Variants in TBL1XR1 observed in about 807,000 individuals in gnomAD.
TBL1XR1 encodes TBL1X/Y related 1, also known as F-box-like/WD repeat-containing protein TBL1XR1.
Under a neutral mutation model 66.9 loss-of-function variants are expected in TBL1XR1, and 5 were observed. That is an observed-to-expected ratio of 0.07 (90% CI 0.04 to 0.16). The LOEUF is 0.16. TBL1XR1 is among the 10% of genes least tolerant of loss of function. The probability of loss-of-function intolerance (pLI) is 1.00; values close to 1 mark genes in which losing one functional copy is unlikely to be tolerated. For missense variants in TBL1XR1, 238 were observed against 623.2 expected (o/e 0.38, Z 6.58); for synonymous variants, 210 against 206.0 (o/e 1.02, Z -0.17).
At chr3:177,169,565 C>T (rs889639172) in intron 1 of TBL1XR1, among the ~76,000 whole-genome samples, 1 of 152,160 alleles carries the variant, frequency 6.6e-6, no homozygotes, top group African/African-American at 2.4e-5. Flanking sequence ...TCAGGCAATG[C>T]TACTACAAAA....
upstream of TBL1XR1, among the ~76,000 whole-genome samples, chr3:177,199,346 A>C (rs1244371567): frequency 1.3e-5 from 2 of 150,740 alleles, no homozygotes; most frequent in African/African-American, 4.9e-5. Flanking sequence ...AGAAGACTTT[A>C]TTTCAGAATT....
intron 1 of TBL1XR1, among the ~76,000 whole-genome samples, chr3:177,161,466 T>A (rs1051409553): frequency 6.6e-6 from 1 of 152,138 alleles, no homozygotes; most frequent in African/African-American, 2.4e-5. Flanking sequence ...AACTCAGCAC[T>A]AATAATGTCA....
At chr3:177,173,082 C>T (rs1467875837) in intron 1 of TBL1XR1, among the ~76,000 whole-genome samples, 2 of 152,036 alleles carry the variant, frequency 1.3e-5, no homozygotes, top group African/African-American at 4.8e-5. Flanking sequence ...AGCTACTCCG[C>T]AGTCTGAGGC....
rs1419098488 is a variant in TBL1XR1 at position 177,152,250 on chromosome 3, C to G, written c.-122+44871G>C. ...GTTGCTACATTCACTTTAGATTATG[C>G]TTTTTACTTTTCACTCCCAGATCTA... is the stretch of plus-strand genomic sequence containing the variant. On this transcript the variant is annotated intron_variant, in intron 1 of 15. Transcript: ENST00000457928. 3.9e-5 allele frequency among the ~76,000 whole-genome samples: 6 copies of G among 152,086 alleles called. No individual in the cohort carries two copies. The East Asian group carries it at 1.2e-3, about 29-fold the overall frequency.
At chr3:177,107,439 C>A (rs1725017950) in intron 1 of TBL1XR1, among the ~76,000 whole-genome samples, 1 of 152,138 alleles carries the variant, frequency 6.6e-6, no homozygotes, top group Non-Finnish European at 1.5e-5. Context: ...CATTTAACTA[C>A]CACATTCCAA....
At chr3:177,035,106 G>A (rs1576985393) in intron 12 of TBL1XR1, among the ~76,000 whole-genome samples, 3 of 152,116 alleles carry the variant, frequency 2.0e-5, no homozygotes, top group Non-Finnish European at 4.4e-5. Context: ...GCATCAGAGT[G>A]TTTTTGGTGC....
intron 1 of TBL1XR1, among the ~76,000 whole-genome samples, chr3:177,115,058 A>G (rs1042004774): frequency 2.0e-5 from 3 of 152,066 alleles, no homozygotes; most frequent in Admixed American, 6.5e-5. Context: ...GGCGGTCTAC[A>G]TCCATATTGT....
upstream of TBL1XR1, chr3:177,201,602 A>G (rs1428145589): frequency 6.6e-6 from 1 of 152,162 alleles, no homozygotes; most frequent in Non-Finnish European, 1.5e-5. Flanking sequence ...ATATTTTTAA[A>G]TCATCATGAT....
intron 1 of TBL1XR1, among the ~76,000 whole-genome samples, chr3:177,152,424 T>C (rs919694365): frequency 3.3e-5 from 5 of 152,108 alleles, no homozygotes; most frequent in Non-Finnish European, 7.4e-5. Context: ...TAAACTGGGA[T>C]TACAGGCACC....
chr3:177,170,298 C>T (rs375070575), intron 1 of TBL1XR1, among the ~76,000 whole-genome samples: 29 of 152,148 alleles, frequency 1.9e-4, no homozygotes, highest in African/African-American at 6.8e-4. Context: ...CCGTCCCACA[C>T]AAAAACACTT....
chr3:177,038,248 T>C (rs1715091451), intron 11 of TBL1XR1, 65 bp downstream of exon 11: 2 of 1,596,880 alleles, frequency 1.3e-6, no homozygotes, highest in Admixed American at 1.7e-5. Flanking sequence ...ATACATACTT[T>C]AAAACTATTC....
At chr3:177,030,008 T>C (rs1713713326) in intron 14 of TBL1XR1, among the ~76,000 whole-genome samples, 1 of 152,126 alleles carries the variant, frequency 6.6e-6, no homozygotes, top group Non-Finnish European at 1.5e-5. Context: ...TAAATGGGTG[T>C]ATGCACGTTG....
At chr3:177,155,463 G>T (rs1478522836) in intron 1 of TBL1XR1, among the ~76,000 whole-genome samples, 1 of 151,996 alleles carries the variant, frequency 6.6e-6, no homozygotes, top group Non-Finnish European at 1.5e-5. Context: ...AGATTTTTTT[G>T]ATCTATGTTG....
chr3:177,080,807 T>G (rs1054104923), intron 2 of TBL1XR1, among the ~76,000 whole-genome samples: 4 of 152,204 alleles, frequency 2.6e-5, no homozygotes, highest in Non-Finnish European at 5.9e-5. Context: ...TAGCAAATCC[T>G]CCAGGGTCTG....
intron 1 of TBL1XR1, among the ~76,000 whole-genome samples, chr3:177,127,350 C>T (rs966782946): frequency 2.0e-5 from 3 of 152,088 alleles, no homozygotes; most frequent in African/African-American, 4.8e-5. Context: ...AATTCTTCTA[C>T]GATATAACTC....
At chr3:177,153,368 G>A (rs1034058171) in intron 1 of TBL1XR1, among the ~76,000 whole-genome samples, 5 of 152,152 alleles carry the variant, frequency 3.3e-5, no homozygotes, top group Non-Finnish European at 5.9e-5. Context: ...GGCATGTGGA[G>A]TGCCCAAACT....
chr3:177,030,323 A>T (rs1713796253), intron 14 of TBL1XR1, among the ~76,000 whole-genome samples: 1 of 151,800 alleles, frequency 6.6e-6, no homozygotes, highest in African/African-American at 2.4e-5. Context: ...ATATATTCAT[A>T]TAATGCTCTG....
intron 2 of TBL1XR1, among the ~76,000 whole-genome samples, chr3:177,090,216 C>A (rs1166394472): frequency 1.3e-5 from 2 of 152,172 alleles, no homozygotes; most frequent in Non-Finnish European, 2.9e-5. Flanking sequence ...GATTTGTTTA[C>A]ATTTGAGCAA....
At chr3:177,193,407 T>G (rs1736417198) in intron 1 of TBL1XR1, among the ~76,000 whole-genome samples, 1 of 151,666 alleles carries the variant, frequency 6.6e-6, no homozygotes, top group African/African-American at 2.4e-5. Context: ...ACCTCCTGGG[T>G]TCAAGCGATT....
Sources: allele counts gnomAD v4.1 joint callset (sites outside exome capture counted in the v4.1 genomes callset), GRCh38; gene constraint gnomAD v4.1.1; transcripts MANE v1.5; gene names NCBI Gene and HGNC (gene_info 2026-07-23, HGNC 2026-07-21).